GJC1: variants seen among roughly 807,000 people sequenced by gnomAD.
The protein encoded by GJC1 is gap junction protein gamma 1.
GJC1 carries 5 observed loss-of-function variants against 29.3 expected under a neutral mutation model. The observed-to-expected ratio is 0.17, with a 90% CI of 0.09 to 0.36. The LOEUF (loss-of-function observed/expected upper bound fraction) is 0.36. Ranked by LOEUF, GJC1 falls within the 10% of genes least tolerant of loss-of-function variation. GJC1 has a pLI of 1.00. For missense variants in GJC1, 310 were observed against 496.2 expected (o/e 0.62, Z 3.56); for synonymous variants, 177 against 183.3 (o/e 0.97, Z 0.28).
At chr17:44,811,388 CTTTTTTTTTTTTT>C (rs573359174) in intron 1 of GJC1, among the ~76,000 whole-genome samples, 1,362 of 128,094 alleles carry the variant, frequency 0.011, 16 homozygotes, top group African/African-American at 0.037. Context: ...GGCCTTTTTT[CTTTTTTTTTTTTT>C]TTTTTGAGAC....
At chr17:44,797,169 A>G (rs1420480952), downstream of GJC1, among the ~76,000 whole-genome samples, 1 of 151,960 alleles carries the variant, frequency 6.6e-6, no homozygotes, top group Non-Finnish European at 1.5e-5. Context: ...GCAGTGGCAC[A>G]ATCTTGGCTC....
chr17:44,812,149 TAAAAACAC>T (rs2049990265), intron 1 of GJC1, among the ~76,000 whole-genome samples: 2 of 151,474 alleles, frequency 1.3e-5, no homozygotes, highest in Non-Finnish European at 2.9e-5. Flanking sequence ...CCGCCCCTAC[TAAAAACAC>T]AAAAAAATTA....
At chr17:44,817,672 T>G (rs992172412) in intron 1 of GJC1, among the ~76,000 whole-genome samples, 2 of 151,974 alleles carry the variant, frequency 1.3e-5, no homozygotes, top group African/African-American at 2.4e-5. Context: ...ATTGTGCCAT[T>G]GCACTCCAGC....
chr17:44,819,002 A>AC (rs142119207), intron 1 of GJC1, among the ~76,000 whole-genome samples: 21,450 of 150,554 alleles, frequency 0.14, 1,649 homozygotes, highest in South Asian at 0.23. Flanking sequence ...AGCACTAAAA[A>AC]CCCCCCTCAT....
At chr17:44,823,133 G>A (rs1403219050) in intron 1 of GJC1, among the ~76,000 whole-genome samples, 1 of 152,018 alleles carries the variant, frequency 6.6e-6, no homozygotes, top group East Asian at 1.9e-4. Context: ...TAACTATTGG[G>A]AGTTGAATAT....
Position 44,804,790 on chromosome 17 carries a change from C to G in GJC1, c.1028G>C (p.Arg343Thr). 1 of 1,614,216 alleles carries G rather than the reference C, an allele frequency of 6.2e-7. No homozygotes were observed. The highest frequency in any genetic ancestry group is 8.5e-7 in the Non-Finnish European group (1 of 1,180,048). ...ADLEALQREI[R>T]MAQERLDLAV... ...CAGATCCAAGCGTTCCTGAGCCATC[C>G]TGATCTCCCGCTGCAGAGCCTCCAG... The change falls in exon 3 of 3, where the codon AGG (arginine) becomes ACG (threonine). Residue 343 changes from arginine to threonine, a missense_variant. Physicochemically the swap from Arg to Thr is moderately conservative, Grantham distance 71. Coordinates refer to ENST00000592524, the MANE Select transcript of GJC1 (RefSeq NM_005497.4).
chr17:44,830,320 GGCGTCCCGCC>G (rs1031137427), upstream of GJC1: 8 of 153,724 alleles, frequency 5.2e-5, no homozygotes, highest in East Asian at 1.9e-4. The surrounding 1 kb of genome is among the most constrained non-coding windows in gnomAD (Gnocchi z 4.3). Flanking sequence ...TGGGGGCGGG[GGCGTCCCGCC>G]GCGGCCCGGG....
chr17:44,808,198 G>T (rs1049258083), intron 1 of GJC1, among the ~76,000 whole-genome samples: 3 of 151,778 alleles, frequency 2.0e-5, no homozygotes, highest in Non-Finnish European at 4.4e-5. Context: ...TAATTAAAAG[G>T]GTGCTTTGTG....
At chr17:44,814,774 C>A (rs967465712) in intron 1 of GJC1, among the ~76,000 whole-genome samples, 2 of 152,086 alleles carry the variant, frequency 1.3e-5, no homozygotes, top group African/African-American at 2.4e-5. Flanking sequence ...GAAACCCCAT[C>A]TCTACTAAAA....
upstream of GJC1, among the ~76,000 whole-genome samples, chr17:44,831,250 G>T (rs2050227854): frequency 6.6e-6 from 1 of 152,200 alleles, no homozygotes; most frequent in Non-Finnish European, 1.5e-5. Flanking sequence ...CCAGTTTTGT[G>T]TGGCCAGTAT....
intron 1 of GJC1, among the ~76,000 whole-genome samples, chr17:44,826,324 A>C (rs2050176435): frequency 6.6e-6 from 1 of 152,128 alleles, no homozygotes; most frequent in Non-Finnish European, 1.5e-5. Context: ...TGAGATCAGG[A>C]GATCGAGACC....
rs539602139 is a variant in GJC1 at position 44,805,002 on chromosome 17, C to T, written c.816G>A (p.Pro272=). ...LNSKRRELED[P]GAYNYPFTWN... ...AAGTGAAAGGATAATTATAAGCACCCGGATCCTCAAGTTCCCTCCTTTTAC... is the reference window on the plus strand; with the variant it reads ...AAGTGAAAGGATAATTATAAGCACCTGGATCCTCAAGTTCCCTCCTTTTAC... The change falls in exon 3 of 3, where the codon CCG becomes CCA. Residue 272 remains proline, a synonymous_variant. Transcript: ENST00000592524. The surrounding 1 kb of genome is among the most constrained non-coding windows in gnomAD (Gnocchi z 5.1). 7 of 1,613,954 alleles carry T rather than the reference C, an allele frequency of 4.3e-6. No homozygotes were observed. The highest frequency in any genetic ancestry group is 3.3e-5 in the South Asian group (3 of 91,076).
chr17:44,817,671 T>C (rs888152449), intron 1 of GJC1, among the ~76,000 whole-genome samples: 5 of 151,984 alleles, frequency 3.3e-5, no homozygotes, highest in East Asian at 3.9e-4. Flanking sequence ...GATTGTGCCA[T>C]TGCACTCCAG....
chr17:44,796,492 T>G (rs2049783909), downstream of GJC1, among the ~76,000 whole-genome samples: 1 of 152,220 alleles, frequency 6.6e-6, no homozygotes, highest in Admixed American at 6.5e-5. Context: ...TCATGTGCTA[T>G]GCCAGGTCTA....
intron 2 of GJC1, among the ~76,000 whole-genome samples, chr17:44,806,396 T>A (rs993301698): frequency 2.0e-4 from 23 of 116,348 alleles, no homozygotes; most frequent in Non-Finnish European, 3.1e-4. Context: ...TTGGTTCTTC[T>A]GTTTGTTTTT....
intron 1 of GJC1, among the ~76,000 whole-genome samples, chr17:44,827,465 C>T (rs1354727886): frequency 2.0e-5 from 3 of 152,016 alleles, no homozygotes; most frequent in Non-Finnish European, 4.4e-5. Flanking sequence ...AGTAATCATA[C>T]CCCCTAGTCA....
At chr17:44,812,319 G>A (rs1034916846) in intron 1 of GJC1, among the ~76,000 whole-genome samples, 1 of 152,070 alleles carries the variant, frequency 6.6e-6, no homozygotes, top group African/African-American at 2.4e-5. Context: ...GCAAGACTCT[G>A]TCTCAAAAAT....
intron 1 of GJC1, among the ~76,000 whole-genome samples, chr17:44,808,843 C>T (rs1465252273): frequency 2.6e-5 from 4 of 152,056 alleles, no homozygotes; most frequent in African/African-American, 4.8e-5. Context: ...TTTGGGAAGC[C>T]GAGGTGGGTG....
Position 44,801,607 on chromosome 17 carries a change from CTT to C in GJC1, c.*3018_*3019del, listed in dbSNP as rs577866530. 8.4e-5 allele frequency: 12 copies of C among 143,662 alleles called. No individual in the cohort carries two copies. The highest frequency in any genetic ancestry group is 7.0e-5 in the Admixed American group (1 of 14,244). The allele number at this position is 143,662 out of a possible 1,614,324, so 8.9% of individuals were successfully genotyped here. ...ATCAACAGGCTCACTTTCTTTTTTT[CTT>C]TTTTTTTTTTTGAGACAAGAGTTTC... On this transcript the variant is annotated 3_prime_UTR_variant, in exon 3 of 3. Transcript: ENST00000592524.
Sources: allele counts gnomAD v4.1 joint callset (sites outside exome capture counted in the v4.1 genomes callset), GRCh38; gene constraint gnomAD v4.1.1; non-coding constraint Gnocchi (gnomAD v3.1); transcripts MANE v1.5; gene names NCBI Gene and HGNC (gene_info 2026-07-23, HGNC 2026-07-21).